IQGAP2: variants seen among roughly 807,000 people sequenced by gnomAD.
The protein encoded by IQGAP2 is IQ motif containing GTPase activating protein 2.
A neutral mutation model predicts 201.3 loss-of-function variants in IQGAP2; 173 were observed. The ratio of observed to expected loss-of-function variants is 0.86; its 90% CI spans 0.76 to 0.98. IQGAP2 has a LOEUF of 0.98. Among genes scored for constraint, IQGAP2 ranks in the 50% least tolerant of loss-of-function variants. IQGAP2 has a pLI of 0.00. For synonymous variants in IQGAP2, 675 were observed against 673.9 expected, an observed-to-expected ratio of 1.00 and a Z score of -0.03; for missense variants, 1,687 against 1,864.8, an observed-to-expected ratio of 0.90 and a Z score of 1.76.
At chr5:76,679,594 C>T (rs111783543) in intron 28 of IQGAP2, among the ~76,000 whole-genome samples, 15 of 152,040 alleles carry the variant, frequency 9.9e-5, no homozygotes, top group Non-Finnish European at 1.6e-4. Flanking sequence ...GAAATTTTTC[C>T]GAATAAAGGG....
chr5:76,599,557 T>C (rs1252877052), intron 10 of IQGAP2, among the ~76,000 whole-genome samples: 2 of 152,192 alleles, frequency 1.3e-5, no homozygotes, highest in Non-Finnish European at 2.9e-5. Context: ...AATTTGATAC[T>C]TTGTATGTTA....
In IQGAP2 at chr5:76,520,789, A is replaced by C. The variant is rs1289926421; in HGVS notation, c.147-41607A>C. The stretch of plus-strand genomic sequence containing the variant: ...GTGGCACGATCTCGGCTCACTGCCG[A>C]CTCCGCCTCCCAGGTTCAAGCGATT... On this transcript the variant is annotated intron_variant, in intron 2 of 35. Coordinates refer to ENST00000274364, the MANE Select transcript of IQGAP2 (RefSeq NM_006633.5). Among the ~76,000 whole-genome samples the C allele has an allele frequency of 9.6e-5, 13 of 135,010 alleles. No homozygotes were observed. The East Asian group carries it at 1.4e-3, about 14-fold the overall frequency. 88.6% of individuals were successfully genotyped at this position (135,010 alleles called of 152,430 possible).
At chr5:76,673,622 T>C in intron 25 of IQGAP2, 33 bp downstream of exon 25, 1 of 1,607,460 alleles carries the variant, frequency 6.2e-7, no homozygotes, top group Non-Finnish European at 8.5e-7. Flanking sequence ...TTAACATTCT[T>C]TCCTGGAACG....
intron 2 of IQGAP2, among the ~76,000 whole-genome samples, chr5:76,506,319 T>C (rs1377556095): frequency 6.6e-6 from 1 of 152,250 alleles, no homozygotes; most frequent in Non-Finnish European, 1.5e-5. Context: ...TAAGTACTAG[T>C]TCTTGCCAGT....
At chr5:76,409,040 G>A (rs1176443970) in intron 1 of IQGAP2, among the ~76,000 whole-genome samples, 1 of 151,290 alleles carries the variant, frequency 6.6e-6, no homozygotes, top group African/African-American at 2.4e-5. Context: ...TGATCCGCCC[G>A]GCTCAGCCTC....
chr5:76,432,611 T>C (rs1752438397), intron 1 of IQGAP2, among the ~76,000 whole-genome samples: 1 of 152,248 alleles, frequency 6.6e-6, no homozygotes. Flanking sequence ...CAAACAATTA[T>C]GTTATTTAAA....
intron 2 of IQGAP2, among the ~76,000 whole-genome samples, chr5:76,532,601 G>C (rs947355948): frequency 6.6e-6 from 1 of 152,122 alleles, no homozygotes; most frequent in African/African-American, 2.4e-5. Flanking sequence ...GTGCTCATGA[G>C]GGTTCTTCAA....
At chr5:76,632,170 A>G in intron 15 of IQGAP2, 144 bp downstream of exon 15, 1 of 684,216 alleles carries the variant, frequency 1.5e-6, no homozygotes, top group Non-Finnish European at 2.3e-6. Context: ...GGAAATTAGG[A>G]AAAGTTTTAG....
At chr5:76,549,001 C>T (rs150319786) in intron 2 of IQGAP2, among the ~76,000 whole-genome samples, 6 of 152,100 alleles carry the variant, frequency 3.9e-5, no homozygotes, top group African/African-American at 9.6e-5. Context: ...ATACTTCCTG[C>T]GCAAGGAAGT....
At chr5:76,432,543 G>A (rs189948571) in intron 1 of IQGAP2, among the ~76,000 whole-genome samples, 57 of 152,252 alleles carry the variant, frequency 3.7e-4, no homozygotes, top group Admixed American at 1.2e-3. Flanking sequence ...CATTTTAAAG[G>A]TGCCAGTCCT....
At position 76,438,017 on chromosome 5, in the gene IQGAP2, T is replaced by TG. The variant is rs201770693; in HGVS notation, c.47-23553_47-23552insG. Among the ~76,000 whole-genome samples, 4 of 43,200 alleles carry TG rather than the reference T, an allele frequency of 9.3e-5. No homozygotes were observed. The South Asian group carries it at 2.3e-3, about 25-fold the overall frequency. The allele number at this position is 43,200 out of a possible 152,430, so 28.3% of individuals were successfully genotyped here. A position where few individuals can be genotyped will look rare whatever the true frequency, so the allele number is the denominator to read the frequency against. The stretch of plus-strand genomic sequence containing the variant: ...GGTATATTGGTCTGTAGTTTTTTTT[T>TG]TTTTTTTTTTTTTGTTTGTTTTTTT... On this transcript the variant is annotated intron_variant, in intron 1 of 35. Coordinates refer to ENST00000274364, the MANE Select transcript of IQGAP2 (RefSeq NM_006633.5).
intron 5 of IQGAP2, among the ~76,000 whole-genome samples, chr5:76,577,366 A>G (rs1745540558): frequency 6.6e-6 from 1 of 152,174 alleles, no homozygotes; most frequent in Non-Finnish European, 1.5e-5. Context: ...ATTATTACCA[A>G]TTGTATACAA....
At chr5:76,521,905 A>G (rs571014801) in intron 2 of IQGAP2, among the ~76,000 whole-genome samples, 1 of 152,068 alleles carries the variant, frequency 6.6e-6, no homozygotes, top group African/African-American at 2.4e-5. Context: ...TTGGAGATCA[A>G]TTCCTCTAAT....
intron 1 of IQGAP2, 111 bp from the exon 2 acceptor site, chr5:76,461,459 G>T: frequency 1.6e-6 from 1 of 626,892 alleles, no homozygotes; most frequent in Admixed American, 2.7e-5. Context: ...CAATACTCCT[G>T]TCTCTGAATG....
chr5:76,663,773 T>C (rs1743484113), intron 21 of IQGAP2, among the ~76,000 whole-genome samples: 2 of 151,758 alleles, frequency 1.3e-5, no homozygotes, highest in Admixed American at 1.3e-4. Context: ...CCTCAAGCCA[T>C]CCTCCCATGT....
intron 5 of IQGAP2, among the ~76,000 whole-genome samples, chr5:76,577,269 C>T (rs1745533979): frequency 1.3e-5 from 2 of 152,154 alleles, no homozygotes; most frequent in African/African-American, 4.8e-5. Flanking sequence ...CTATCTAGAG[C>T]TGCACTTAGA....
chr5:76,418,389 A>G (rs531870388), intron 1 of IQGAP2, among the ~76,000 whole-genome samples: 76 of 152,088 alleles, frequency 5.0e-4, no homozygotes, highest in African/African-American at 1.7e-3. Context: ...TGAAAACAGA[A>G]GTTAATAGTA....
intron 13 of IQGAP2, among the ~76,000 whole-genome samples, chr5:76,620,696 G>T (rs1410208552): frequency 6.6e-6 from 1 of 152,140 alleles, no homozygotes; most frequent in African/African-American, 2.4e-5. Flanking sequence ...CCTAGGGGGA[G>T]TTATGAGAAG....
chr5:76,700,746 A>G (rs1747304142), intron 33 of IQGAP2, among the ~76,000 whole-genome samples: 1 of 152,236 alleles, frequency 6.6e-6, no homozygotes, highest in African/African-American at 2.4e-5. Flanking sequence ...TACACAGTTC[A>G]TGTTATTGCA....
Sources: gnomAD v4.1 joint callset for allele counts (sites outside exome capture counted in the v4.1 genomes callset) on GRCh38, gnomAD v4.1.1 for gene constraint, MANE v1.5 for transcripts, NCBI Gene and HGNC (gene_info 2026-07-23, HGNC 2026-07-21) for gene names.